Variants in TRMT10B observed in about 807,000 individuals in gnomAD.
TRMT10B encodes the protein tRNA methyltransferase 10 homolog B.
TRMT10B carries 33 observed loss-of-function variants against 43.8 expected under a neutral mutation model. That is an observed-to-expected ratio of 0.75 (90% CI 0.57 to 1.01). The LOEUF is 1.01. Ranked by LOEUF, TRMT10B falls within the 50% of genes least tolerant of loss-of-function variation. TRMT10B has a pLI of 0.00. For synonymous variants in TRMT10B, 137 were observed against 130.6 expected (o/e 1.05, Z -0.34); for missense variants, 362 against 369.8 (o/e 0.98, Z 0.17).
At chr9:37,769,864 A>G in intron 5 of TRMT10B, 77 bp from the exon 6 acceptor site, 1 of 1,155,340 alleles carries the variant, frequency 8.7e-7, no homozygotes. Context: ...TAGCCTCCCA[A>G]AGTTCTGGGA....
Position 37,777,627 on chromosome 9 carries a change from G to C in TRMT10B, c.871G>C (p.Glu291Gln), listed in dbSNP as rs749111812. 4 of 1,613,872 alleles carry C rather than the reference G, an allele frequency of 2.5e-6. No homozygotes were observed. The highest frequency in any genetic ancestry group is 3.3e-5 in the Admixed American group (2 of 60,000). Residue 291 changes from glutamate to glutamine, a missense_variant, in exon 9 of 9, where the codon GAG (glutamate) becomes CAG (glutamine). Coordinates refer to ENST00000297994, the MANE Select transcript of TRMT10B (RefSeq NM_144964.4). ...QVFDILSTYL[E>Q]THNWPEALKK... is the part of the protein sequence containing the mutation. ...GTTTGATATCCTGTCCACTTACTTA[G>C]AGACTCACAACTGGCCTGAAGCATT... is the stretch of plus-strand genomic sequence containing the variant.
intron 1 of TRMT10B, among the ~76,000 whole-genome samples, chr9:37,756,524 G>GGT (rs1009816792): frequency 2.0e-5 from 3 of 151,862 alleles, no homozygotes; most frequent in African/African-American, 7.3e-5. Context: ...TGGCCAACTT[G>GGT]GTGAAACCTG....
intron 8 of TRMT10B, among the ~76,000 whole-genome samples, chr9:37,776,850 G>T (rs1293939261): frequency 1.3e-5 from 2 of 149,686 alleles, no homozygotes; most frequent in Non-Finnish European, 3.0e-5. Flanking sequence ...AGTGAGCCGA[G>T]ATCACACCAC....
At chr9:37,761,462 GC>G (rs930175946) in intron 1 of TRMT10B, among the ~76,000 whole-genome samples, 7 of 152,296 alleles carry the variant, frequency 4.6e-5, no homozygotes, top group African/African-American at 1.7e-4. Context: ...ACTTTGGGGG[GC>G]CGAGATGGGT....
intron 3 of TRMT10B, 144 bp from the exon 4 acceptor site, chr9:37,763,485 G>A: frequency 1.5e-6 from 1 of 674,576 alleles, no homozygotes; most frequent in East Asian, 2.8e-5. Context: ...TCACCACTCT[G>A]TGTAAATCTT....
chr9:37,756,606 T>C (rs1225801182), intron 1 of TRMT10B, among the ~76,000 whole-genome samples: 1 of 151,934 alleles, frequency 6.6e-6, no homozygotes, highest in Non-Finnish European at 1.5e-5. Flanking sequence ...CTCGGGAGGC[T>C]GAGGCATGAG....
At chr9:37,762,442 G>T (rs1159139719) in intron 2 of TRMT10B, 135 bp from the exon 3 acceptor site, 31 of 1,313,974 alleles carry the variant, frequency 2.4e-5, no homozygotes, top group Non-Finnish European at 4.1e-6. Flanking sequence ...GTCTAGGTTT[G>T]TTTTTAAGAG....
intron 4 of TRMT10B, chr9:37,767,044 A>ATACT (rs748700626): frequency 1.2e-4 from 19 of 152,160 alleles, no homozygotes; most frequent in Admixed American, 3.9e-4. Context: ...GCAGTGCATA[A>ATACT]TACTGGGCCT....
intron 2 of TRMT10B, among the ~76,000 whole-genome samples, 160 bp downstream of exon 2, chr9:37,762,277 A>G (rs979289904): frequency 6.0e-4 from 92 of 152,310 alleles, no homozygotes; most frequent in African/African-American, 2.1e-3. Context: ...TTTTAGTTCC[A>G]TTTGAGTCAT....
chr9:37,762,438 GT>G lies in TRMT10B; in HGVS notation c.187-136del, dbSNP rs1826452454. 1.7e-5 allele frequency: 21 copies of G among 1,257,210 alleles called. 1 individual carries two copies. In the South Asian group the frequency reaches 3.1e-4, roughly 19 times the overall value. 77.9% of individuals were successfully genotyped at this position (1,257,210 alleles called of 1,614,324 possible). On this transcript the variant is annotated intron_variant, in intron 2 of 8. Coordinates refer to ENST00000297994, the MANE Select transcript of TRMT10B (RefSeq NM_144964.4). ...TTTCTCTAAACACGATCCAGTCTAG[GT>G]TTGTTTTTAAGAGTAATTTCCTCTT...
intron 7 of TRMT10B, 43 bp downstream of exon 7, chr9:37,770,782 T>C: frequency 6.3e-7 from 1 of 1,598,688 alleles, no homozygotes; most frequent in Non-Finnish European, 8.6e-7. Context: ...TAAAAAGCAG[T>C]GCTTACTTTT....
upstream of TRMT10B, chr9:37,753,681 T>G (rs1249026101): frequency 6.6e-6 from 1 of 152,322 alleles, no homozygotes; most frequent in African/African-American, 2.4e-5. Context: ...CCGCCAGGGC[T>G]GGGAGTAGAA....
intron 7 of TRMT10B, among the ~76,000 whole-genome samples, chr9:37,772,720 A>G (rs1827721143): frequency 6.6e-6 from 1 of 152,102 alleles, no homozygotes. Context: ...ACAGTGGCTC[A>G]TGTCTGTAAT....
At chr9:37,777,438 G>A (rs1828292181) in intron 8 of TRMT10B, among the ~76,000 whole-genome samples, 163 bp from the exon 9 acceptor site, 1 of 151,092 alleles carries the variant, frequency 6.6e-6, no homozygotes, top group African/African-American at 2.4e-5. Flanking sequence ...TGAGGTCCTT[G>A]AGAGCAAGCA....
intron 4 of TRMT10B, among the ~76,000 whole-genome samples, chr9:37,764,294 G>T (rs564536098): frequency 2.7e-5 from 4 of 150,440 alleles, no homozygotes; most frequent in Non-Finnish European, 4.4e-5. Flanking sequence ...GATTACAGGC[G>T]TCTGCCACCA....
In TRMT10B at chr9:37,778,659, C is replaced by T. The variant is rs928536920; in HGVS notation, c.*952C>T. On this transcript the variant is annotated 3_prime_UTR_variant, in exon 9 of 9. Coordinates refer to ENST00000297994, the MANE Select transcript of TRMT10B (RefSeq NM_144964.4). Reference sequence around the variant, plus strand: ...AGTTTAATATTCACTAAACTGGCATCATAAAATTGTATGACTTTCTCCAGC... The same window carrying T: ...AGTTTAATATTCACTAAACTGGCATTATAAAATTGTATGACTTTCTCCAGC... 9.9e-5 allele frequency: 15 copies of T among 152,202 alleles called. No individual in the cohort carries two copies. The highest frequency in any genetic ancestry group is 3.6e-4 in the African/African-American group (15 of 41,446). 9.4% of individuals were successfully genotyped at this position (152,202 alleles called of 1,614,324 possible).
At chr9:37,756,149 A>G (rs1228933543) in intron 1 of TRMT10B, among the ~76,000 whole-genome samples, 1 of 152,242 alleles carries the variant, frequency 6.6e-6, no homozygotes, top group East Asian at 1.9e-4. Context: ...TGGTCAACAC[A>G]GGTAAAAATA....
At chr9:37,776,875 G>A (rs893514492) in intron 8 of TRMT10B, among the ~76,000 whole-genome samples, 2 of 150,256 alleles carry the variant, frequency 1.3e-5, no homozygotes, top group Non-Finnish European at 3.0e-5. Context: ...CTCCAGCCTG[G>A]GTGACAGTGA....
intron 4 of TRMT10B, among the ~76,000 whole-genome samples, chr9:37,764,232 T>G (rs1199468870): frequency 6.6e-6 from 1 of 152,080 alleles, no homozygotes; most frequent in Non-Finnish European, 1.5e-5. Context: ...CACTGCAACC[T>G]CTGCTTCCTG....
Sources: allele counts gnomAD v4.1 joint callset (sites outside exome capture counted in the v4.1 genomes callset), GRCh38; gene constraint gnomAD v4.1.1; transcripts MANE v1.5; gene names NCBI Gene and HGNC (gene_info 2026-07-23, HGNC 2026-07-21).